KSR2: variants seen among roughly 807,000 people sequenced by gnomAD.
KSR2 encodes kinase suppressor of ras 2.
A neutral mutation model predicts 107.8 loss-of-function variants in KSR2; 25 were observed. The observed-to-expected ratio is 0.23, with a 90% CI of 0.17 to 0.32. The LOEUF is 0.32. KSR2 is among the 10% of genes least tolerant of loss of function. KSR2 has a pLI of 1.00. For missense variants in KSR2, 887 were observed against 1,268.9 expected (o/e 0.70, Z 4.57); for synonymous variants, 480 against 507.0 (o/e 0.95, Z 0.71).
rs1383361584 is a variant in KSR2 at position 117,740,449 on chromosome 12, A to AC, written c.986+20561_986+20562insG. 1.0e-4 allele frequency among the ~76,000 whole-genome samples: 9 copies of AC among 89,648 alleles called. 1 individual carries two copies. The highest frequency in any genetic ancestry group is 2.1e-4 in the African/African-American group (6 of 28,698). The allele number at this position is 89,648 out of a possible 152,430, so 58.8% of individuals were successfully genotyped here. On this transcript the variant is annotated intron_variant, in intron 4 of 19. Coordinates refer to ENST00000339824, the MANE Select transcript of KSR2 (RefSeq NM_173598.6). Reference sequence around the variant, plus strand: ...TGTTATATATTACATTAATATATGTATATAGTACATATATTATATGTAATA... The same window carrying AC: ...TGTTATATATTACATTAATATATGTACTATAGTACATATATTATATGTAATA...
At chr12:117,497,875 T>C (rs985944001) in intron 14 of KSR2, among the ~76,000 whole-genome samples, 6 of 152,328 alleles carry the variant, frequency 3.9e-5, no homozygotes, top group African/African-American at 1.2e-4. Context: ...ATCTTGCCAC[T>C]TCTGTCTTTT....
At chr12:117,879,393 A>C (rs1341438750) in intron 1 of KSR2, among the ~76,000 whole-genome samples, 1 of 152,248 alleles carries the variant, frequency 6.6e-6, no homozygotes, top group Non-Finnish European at 1.5e-5. Flanking sequence ...CAATATTATT[A>C]ATAGAAAGCA....
chr12:117,933,969 G>T (rs1895768434), intron 1 of KSR2, among the ~76,000 whole-genome samples: 2 of 152,214 alleles, frequency 1.3e-5, no homozygotes, highest in African/African-American at 4.8e-5. Flanking sequence ...CAGAGTGCAT[G>T]AGTGGAGGGA....
intron 14 of KSR2, among the ~76,000 whole-genome samples, chr12:117,492,975 A>G (rs1490848371): frequency 6.6e-6 from 1 of 152,174 alleles, no homozygotes; most frequent in African/African-American, 2.4e-5. Context: ...TCCTGATTTT[A>G]GCTCCATGAG....
chr12:117,764,891 T>G (rs12320682), intron 3 of KSR2, among the ~76,000 whole-genome samples: 3,871 of 152,204 alleles, frequency 0.025, 178 homozygotes, highest in African/African-American at 0.088. Context: ...ACTCAGGGAC[T>G]ACTATGAGGA....
At chr12:117,517,649 C>A (rs943341928) in intron 14 of KSR2, 54 of 354,532 alleles carry the variant, frequency 1.5e-4, no homozygotes, top group Admixed American at 2.7e-4. Context: ...GCTTCCTTCA[C>A]AAAAGTCCCA....
At chr12:117,817,307 A>G (rs900742795) in intron 3 of KSR2, among the ~76,000 whole-genome samples, 8 of 152,162 alleles carry the variant, frequency 5.3e-5, no homozygotes, top group Non-Finnish European at 8.8e-5. Flanking sequence ...GCAAAACTTC[A>G]TTAGACTCTG....
chr12:117,678,614 C>T (rs1885239447), intron 4 of KSR2, among the ~76,000 whole-genome samples: 1 of 152,170 alleles, frequency 6.6e-6, no homozygotes, highest in Admixed American at 6.5e-5. Flanking sequence ...GCTCCCATGA[C>T]ACAGGATCTG....
chr12:117,923,422 C>T (rs930205622), intron 1 of KSR2, among the ~76,000 whole-genome samples: 1 of 152,138 alleles, frequency 6.6e-6, no homozygotes, highest in Non-Finnish European at 1.5e-5. Flanking sequence ...TGTAGTGGCT[C>T]ATGCCTGTAA....
intron 7 of KSR2, among the ~76,000 whole-genome samples, 178 bp downstream of exon 7, chr12:117,578,941 C>G (rs560430725): frequency 6.6e-6 from 1 of 152,306 alleles, no homozygotes; most frequent in South Asian, 2.1e-4. Flanking sequence ...TTCAGAATTG[C>G]TCTCCCTTGA....
chr12:117,960,797 CTTTTTTT>C (rs57298583), intron 1 of KSR2, among the ~76,000 whole-genome samples: 1 of 138,762 alleles, frequency 7.2e-6, no homozygotes, highest in Non-Finnish European at 1.5e-5. Flanking sequence ...TTTCTTTTTC[CTTTTTTT>C]TTTTTTTTTT....
At chr12:117,701,985 C>G (rs992311392) in intron 4 of KSR2, among the ~76,000 whole-genome samples, 2 of 152,232 alleles carry the variant, frequency 1.3e-5, no homozygotes, top group African/African-American at 4.8e-5. Context: ...CCACAGGAAA[C>G]TAATACTGCT....
At chr12:117,807,736 G>C (rs556637534) in intron 3 of KSR2, among the ~76,000 whole-genome samples, 1 of 152,242 alleles carries the variant, frequency 6.6e-6, no homozygotes, top group African/African-American at 2.4e-5. Context: ...CAAGGACTGA[G>C]AATGTGGTGG....
intron 1 of KSR2, among the ~76,000 whole-genome samples, chr12:117,942,204 CATTT>C (rs1429738479): frequency 6.6e-6 from 1 of 152,148 alleles, no homozygotes; most frequent in Admixed American, 6.6e-5. Context: ...AAACATTTAT[CATTT>C]ATTTATCATC....
At chr12:117,653,165 G>C (rs1883975291) in intron 5 of KSR2, among the ~76,000 whole-genome samples, 1 of 152,254 alleles carries the variant, frequency 6.6e-6, no homozygotes. Flanking sequence ...GCAGAAGACA[G>C]ATGGATCTTG....
At chr12:117,574,632 A>G (rs895164409) in intron 7 of KSR2, among the ~76,000 whole-genome samples, 2 of 152,186 alleles carry the variant, frequency 1.3e-5, no homozygotes, top group African/African-American at 4.8e-5. Flanking sequence ...GGTCCCTCCC[A>G]CAACACGTGG....
chr12:117,743,795 A>C (rs1488442054), intron 4 of KSR2, among the ~76,000 whole-genome samples: 1 of 152,192 alleles, frequency 6.6e-6, no homozygotes, highest in Non-Finnish European at 1.5e-5. Flanking sequence ...CCTCAGATGC[A>C]CTTAGCCAAT....
chr12:117,540,899 C>T (rs1876438503), intron 9 of KSR2, among the ~76,000 whole-genome samples: 1 of 152,210 alleles, frequency 6.6e-6, no homozygotes, highest in Non-Finnish European at 1.5e-5. Context: ...TTTGTTACAG[C>T]AGCACCAGGA....
At chr12:117,690,024 A>G (rs1790299019) in intron 4 of KSR2, among the ~76,000 whole-genome samples, 1 of 151,874 alleles carries the variant, frequency 6.6e-6, no homozygotes, top group South Asian at 2.1e-4. Flanking sequence ...AAAGAGAAGG[A>G]GGGAAGAATG....
Sources: gnomAD v4.1 joint callset for allele counts (sites outside exome capture counted in the v4.1 genomes callset) on GRCh38, gnomAD v4.1.1 for gene constraint, MANE v1.5 for transcripts, NCBI Gene and HGNC (gene_info 2026-07-23, HGNC 2026-07-21) for gene names.